Variants in TOX4 observed in about 807,000 individuals in gnomAD.
The protein encoded by TOX4 is TOX high mobility group box family member 4.
TOX4 carries 12 observed loss-of-function variants against 61.0 expected under a neutral mutation model. That is an observed-to-expected ratio of 0.20 (90% confidence interval 0.13 to 0.32). The LOEUF is 0.32. Among genes scored for constraint, TOX4 ranks in the 10% least tolerant of loss-of-function variants. TOX4 has a pLI of 1.00. For missense variants in TOX4, 499 were observed against 753.3 expected (o/e 0.66, Z 3.95); for synonymous variants, 268 against 274.8 (o/e 0.98, Z 0.24).
rs1891168093 is a variant in TOX4 at position 21,484,630 on chromosome 14, A to C, written c.76-2821A>C. ...CTCCCAAAGTGCTGAGATTATAGGC[A>C]TGAGCCACGGCACCCGGCCTTTATT... On this transcript the variant is annotated intron_variant, in intron 2 of 8. Coordinates refer to ENST00000448790, the MANE Select transcript of TOX4 (RefSeq NM_014828.4). 2.0e-5 allele frequency among the ~76,000 whole-genome samples: 2 copies of C among 100,014 alleles called. 1 individual carries two copies. The highest frequency in any genetic ancestry group is 7.5e-5 in the African/African-American group (2 of 26,500). 65.6% of individuals were successfully genotyped at this position (100,014 alleles called of 152,430 possible). A position where few individuals can be genotyped will look rare whatever the true frequency, so the allele number is the denominator to read the frequency against.
Position 21,498,653 on chromosome 14 carries a change from C to A in TOX4, c.*2047C>A. 2.0e-6 allele frequency: 1 copy of A among 499,824 alleles called. No homozygotes were observed. 31.0% of individuals were successfully genotyped at this position (499,824 alleles called of 1,614,324 possible). A position where few individuals can be genotyped will look rare whatever the true frequency, so the allele number is the denominator to read the frequency against. ...TACCAGGGAGTATTCTTTGGATAAG[C>A]AAAATGCTAGCAGCATGTGTTTTAA... On this transcript the variant is annotated 3_prime_UTR_variant, in exon 9 of 9. Coordinates refer to ENST00000448790, the MANE Select transcript of TOX4 (RefSeq NM_014828.4).
At chr14:21,490,284 C>A (rs67492181) in intron 5 of TOX4, among the ~76,000 whole-genome samples, 22,685 of 151,842 alleles carry the variant, frequency 0.15, 1,743 homozygotes, top group Admixed American at 0.23. Context: ...CAACACCATC[C>A]TGGCTGACAT....
chr14:21,488,877 T>G (rs1566482793), intron 4 of TOX4, 27 bp downstream of exon 4: 1 of 1,610,000 alleles, frequency 6.2e-7, no homozygotes, highest in South Asian at 1.1e-5. Context: ...CAAAATCAAT[T>G]CTGCTGTGAT....
chr14:21,482,570 C>T (rs1379531502), intron 2 of TOX4: 4 of 469,090 alleles, frequency 8.5e-6, no homozygotes, highest in South Asian at 4.7e-5. Flanking sequence ...TCAAAAAGGC[C>T]CAGGAATTGA....
intron 5 of TOX4, among the ~76,000 whole-genome samples, chr14:21,489,731 C>T (rs1334021368): frequency 5.9e-5 from 9 of 151,960 alleles, no homozygotes; most frequent in Non-Finnish European, 8.8e-5. Flanking sequence ...GGCGCTTCCA[C>T]CACACTGGGC....
chr14:21,491,646 A>T (rs1417699148), intron 5 of TOX4, among the ~76,000 whole-genome samples: 1 of 145,602 alleles, frequency 6.9e-6, no homozygotes, highest in Non-Finnish European at 1.5e-5. Flanking sequence ...TACAGGCGTG[A>T]GCCACCGCAC....
At chr14:21,490,611 T>C (rs1891270653) in intron 5 of TOX4, among the ~76,000 whole-genome samples, 3 of 152,338 alleles carry the variant, frequency 2.0e-5, no homozygotes, top group Non-Finnish European at 4.4e-5. Context: ...AGTGGTAAAG[T>C]TGAGACACAA....
At chr14:21,490,371 C>T (rs1891265600) in intron 5 of TOX4, among the ~76,000 whole-genome samples, 2 of 151,418 alleles carry the variant, frequency 1.3e-5, no homozygotes, top group Middle Eastern at 3.4e-3. Flanking sequence ...GCTACTCAGG[C>T]GGCTGAGGCA....
rs759614579 is a variant in TOX4 at position 21,477,244 on chromosome 14, T to A, written c.-35T>A. 6.2e-7 allele frequency: 1 copy of A among 1,613,632 alleles called. No individual in the cohort carries two copies. The highest frequency in any genetic ancestry group is 8.5e-7 in the Non-Finnish European group (1 of 1,179,828). Reference sequence around the variant, plus strand: ...AGTCCAGTGGGGGCGGTGGGAGCGATGAGGGTCTGAGACGGTGGGAGCGGT... The same window carrying A: ...AGTCCAGTGGGGGCGGTGGGAGCGAAGAGGGTCTGAGACGGTGGGAGCGGT... On this transcript the variant is annotated 5_prime_UTR_variant, in exon 1 of 9. An upstream start codon of the reference 5' UTR is lost. Coordinates refer to ENST00000448790, the MANE Select transcript of TOX4 (RefSeq NM_014828.4).
rs1472260387 is a variant in TOX4, at chr14:21,497,220, A to G, written c.*614A>G. On this transcript the variant is annotated 3_prime_UTR_variant, in exon 9 of 9. Coordinates refer to ENST00000448790, the MANE Select transcript of TOX4 (RefSeq NM_014828.4). ...CTAAGAGGCGGAACTCTACATCATT[A>G]GTAAGAGGTTCCACCAAAGTCTAAA... The G allele has an allele frequency of 6.6e-6, 1 of 152,280 alleles. No homozygotes were observed. The highest frequency in any genetic ancestry group is 2.4e-5 in the African/African-American group (1 of 41,458). 9.4% of individuals were successfully genotyped at this position (152,280 alleles called of 1,614,324 possible).
chr14:21,485,182 A>G (rs79308491), intron 2 of TOX4, among the ~76,000 whole-genome samples: 30,547 of 102,876 alleles, frequency 0.3, 11,279 homozygotes, highest in Admixed American at 0.37. Context: ...TTGGGAGGCC[A>G]AGGAGGGCGG....
intron 2 of TOX4, among the ~76,000 whole-genome samples, chr14:21,485,146 T>C (rs1403750037): frequency 9.4e-6 from 1 of 106,446 alleles, no homozygotes; most frequent in Non-Finnish European, 2.1e-5. Flanking sequence ...CCAGGCGTGG[T>C]GGCTCACGCC....
chr14:21,477,434 TCG>T lies in TOX4; in HGVS notation c.7-60_7-59del, dbSNP rs1488327000. 3 of 1,610,586 alleles carry T rather than the reference TCG, an allele frequency of 1.9e-6. No homozygotes were observed. In the East Asian group the frequency reaches 6.7e-5, roughly 36 times the overall value. ...GTCAGAATGTCAGGGTCAAAAGCCATCGCTCCAAGCTGACTCCCTGCTCCCCC... is the reference window on the plus strand; with the variant it reads ...GTCAGAATGTCAGGGTCAAAAGCCATCTCCAAGCTGACTCCCTGCTCCCCC... On this transcript the variant is annotated intron_variant, in intron 1 of 8. Transcript: ENST00000448790.
chr14:21,496,465 C>CA (rs1001892833), intron 8 of TOX4, 81 bp from the exon 9 acceptor site: 40,247 of 1,019,958 alleles, frequency 0.039, no homozygotes, highest in East Asian at 0.046. Context: ...AGGTCCGTCT[C>CA]AAAAAAAAAA....
At position 21,498,807 on chromosome 14, in the gene TOX4, C is replaced by T; in HGVS notation, c.*2201C>T. The T allele has an allele frequency of 1.8e-6, 1 of 543,326 alleles. No homozygotes were observed. The highest frequency in any genetic ancestry group is 3.3e-6 in the Non-Finnish European group (1 of 304,228). The allele number at this position is 543,326 out of a possible 1,614,324, so 33.7% of individuals were successfully genotyped here. ...CCTTGGGTTGTGAAGAGAGTAGAAA[C>T]CCTAGGGAGCAGTGCTTTTGGGTCC... On this transcript the variant is annotated 3_prime_UTR_variant, in exon 9 of 9. Coordinates refer to ENST00000448790, the MANE Select transcript of TOX4 (RefSeq NM_014828.4).
chr14:21,492,930 G>C lies in TOX4; in HGVS notation c.1314G>C (p.Leu438=), dbSNP rs761535207. The C allele has an allele frequency of 6.2e-7, 1 of 1,609,880 alleles. No individual in the cohort carries two copies. Among genetic ancestry groups the C allele is most frequent in the Non-Finnish European group, 8.5e-7 (1 of 1,179,092 alleles). Residue 438 remains leucine, a synonymous_variant, in exon 7 of 9, where the codon CTG becomes CTC. Transcript: ENST00000448790. Reference sequence around the variant, plus strand: ...CTGCTGCTGCTGCTTCTATGCAACTGCCTCCACCCCGACTACAGCCCCCTC... The same window carrying C: ...CTGCTGCTGCTGCTTCTATGCAACTCCCTCCACCCCGACTACAGCCCCCTC... The part of the protein sequence containing the change: ...AAAAAAASMQ[L]PPPRLQPPPL...
intron 2 of TOX4, among the ~76,000 whole-genome samples, chr14:21,486,638 C>T (rs915053746): frequency 6.6e-6 from 1 of 152,098 alleles, no homozygotes; most frequent in South Asian, 2.1e-4. Context: ...AAAACAGAAC[C>T]ATAGCAGTTC....
intron 2 of TOX4, 29 bp downstream of exon 2, chr14:21,477,593 G>A: frequency 6.2e-7 from 1 of 1,612,188 alleles, no homozygotes; most frequent in South Asian, 1.1e-5. Context: ...CGCCGCGGGG[G>A]TAGGGCCTGA....
At chr14:21,477,318 G>T (rs760996809) in intron 1 of TOX4, 34 bp downstream of exon 1, 1 of 1,614,016 alleles carries the variant, frequency 6.2e-7, no homozygotes, top group South Asian at 1.1e-5. Context: ...GCTGGCGAGA[G>T]AACGCGGCCG....
Sources: allele counts gnomAD v4.1 joint callset (sites outside exome capture counted in the v4.1 genomes callset), GRCh38; gene constraint gnomAD v4.1.1; transcripts MANE v1.5; gene names NCBI Gene and HGNC (gene_info 2026-07-23, HGNC 2026-07-21).